Variants in FAM174B observed in about 807,000 individuals in gnomAD.
FAM174B encodes the protein membrane protein FAM174B.
A neutral mutation model predicts 10.9 loss-of-function variants in FAM174B; 12 were observed. The ratio of observed to expected loss-of-function variants is 1.10; its 90% CI spans 0.71 to 1.79. FAM174B has a LOEUF of 1.79. FAM174B is among the 40% of genes most tolerant of loss of function. The pLI is 0.00. For missense variants in FAM174B, 266 were observed against 233.3 expected, an observed-to-expected ratio of 1.14 and a Z score of -0.91; for synonymous variants, 132 against 115.8, an observed-to-expected ratio of 1.14 and a Z score of -0.90.
intron 1 of FAM174B, among the ~76,000 whole-genome samples, chr15:92,646,599 C>T (rs1872626255): frequency 6.6e-6 from 1 of 152,176 alleles, no homozygotes; most frequent in African/African-American, 2.4e-5. Flanking sequence ...TTGGACATAC[C>T]TGATTCTACC....
At chr15:92,625,871 G>A (rs957822434) in intron 2 of FAM174B, among the ~76,000 whole-genome samples, 1 of 152,166 alleles carries the variant, frequency 6.6e-6, no homozygotes, top group African/African-American at 2.4e-5. Flanking sequence ...GTGGGCTTGT[G>A]TCTAATGACT....
At chr15:92,648,117 A>C (rs1479747317) in intron 1 of FAM174B, among the ~76,000 whole-genome samples, 8 of 152,170 alleles carry the variant, frequency 5.3e-5, no homozygotes, top group African/African-American at 1.7e-4. Context: ...ACCAAAGTAA[A>C]CCATCCATAT....
intron 1 of FAM174B, among the ~76,000 whole-genome samples, chr15:92,654,523 CCAGA>C (rs1462742766): frequency 1.3e-5 from 2 of 152,186 alleles, no homozygotes; most frequent in South Asian, 2.1e-4. Context: ...TCCTAATTTA[CCAGA>C]CACTTTATCC....
chr15:92,653,116 C>T (rs2050978110), intron 1 of FAM174B: 1 of 152,188 alleles, frequency 6.6e-6, no homozygotes, highest in Non-Finnish European at 1.5e-5. Context: ...GGGGTGGCAG[C>T]TGTCCACCTG....
intron 2 of FAM174B, among the ~76,000 whole-genome samples, chr15:92,623,488 T>A (rs1373083103): frequency 6.6e-6 from 1 of 152,118 alleles, no homozygotes; most frequent in Non-Finnish European, 1.5e-5. Context: ...TTATTCAGAT[T>A]TCCCACCGTG....
chr15:92,639,898 A>G (rs892797369), intron 1 of FAM174B, among the ~76,000 whole-genome samples: 1 of 152,160 alleles, frequency 6.6e-6, no homozygotes, highest in Non-Finnish European at 1.5e-5. Flanking sequence ...ACCATTAGCC[A>G]ATACCCAGTC....
At chr15:92,639,654 C>A (rs1392694153) in intron 1 of FAM174B, among the ~76,000 whole-genome samples, 1 of 152,088 alleles carries the variant, frequency 6.6e-6, no homozygotes, top group Non-Finnish European at 1.5e-5. Flanking sequence ...TGGGGGTGGG[C>A]CTTCATGAAC....
At chr15:92,632,221 T>A (rs1008105704) in intron 1 of FAM174B, among the ~76,000 whole-genome samples, 1 of 152,190 alleles carries the variant, frequency 6.6e-6, no homozygotes, top group Admixed American at 6.5e-5. Context: ...GTGTTCTGGT[T>A]TCGTTTTGTT....
chr15:92,638,475 C>G (rs558197964), intron 1 of FAM174B, among the ~76,000 whole-genome samples: 2 of 152,208 alleles, frequency 1.3e-5, no homozygotes, highest in Admixed American at 6.5e-5. Flanking sequence ...GAGGGGGAGG[C>G]CTTCCTTCCT....
intron 1 of FAM174B, chr15:92,653,141 C>G (rs185565223): frequency 9.2e-5 from 14 of 152,304 alleles, no homozygotes; most frequent in African/African-American, 3.1e-4. Flanking sequence ...CTCACCCTAA[C>G]AAGATTGCCT....
At chr15:92,633,885 C>A (rs571697778) in intron 1 of FAM174B, among the ~76,000 whole-genome samples, 1 of 152,184 alleles carries the variant, frequency 6.6e-6, no homozygotes, top group Non-Finnish European at 1.5e-5. Flanking sequence ...CATCTCAACA[C>A]TGGCAGGGGG....
intron 2 of FAM174B, among the ~76,000 whole-genome samples, chr15:92,626,065 T>G (rs1037007498): frequency 4.6e-5 from 7 of 152,102 alleles, no homozygotes; most frequent in African/African-American, 1.4e-4. Context: ...AACCCAAAGA[T>G]TCCACATTTA....
chr15:92,619,682 CCA>C lies in FAM174B; in HGVS notation c.477-225_477-224del, dbSNP rs924490437. On this transcript the variant is annotated intron_variant, in intron 2 of 2. Coordinates refer to ENST00000327355, the MANE Select transcript of FAM174B (RefSeq NM_207446.3). ...AACTAAGGATCCCTCCCCCAGCTCC[CCA>C]CACAGACTCCCTAGAACACAACCTC... 3 of 600,520 alleles carry C rather than the reference CCA, an allele frequency of 5.0e-6. No homozygotes were observed. In the African/African-American group the frequency reaches 5.6e-5, roughly 11 times the overall value. The allele number at this position is 600,520 out of a possible 1,614,324, so 37.2% of individuals were successfully genotyped here. A position where few individuals can be genotyped will look rare whatever the true frequency, so the allele number is the denominator to read the frequency against.
At position 92,655,705 on chromosome 15, in the gene FAM174B, G is replaced by C. The variant is rs200182901; in HGVS notation, c.-46C>G. 9.0e-4 allele frequency: 1,101 copies of C among 1,227,932 alleles called. 28 individuals are homozygous for C. The East Asian group carries it at 0.031, about 35-fold the overall frequency. 76.1% of individuals were successfully genotyped at this position (1,227,932 alleles called of 1,614,324 possible). A position where few individuals can be genotyped will look rare whatever the true frequency, so the allele number is the denominator to read the frequency against. ...GATCGGGCAGGGCGCGCGCGGCTGA[G>C]CTCCAGGATCCGCACCAGCACGGAG... is the stretch of plus-strand genomic sequence containing the variant. On this transcript the variant is annotated 5_prime_UTR_variant, in exon 1 of 3. Transcript: ENST00000327355.
chr15:92,622,409 G>A (rs1007625755), intron 2 of FAM174B, among the ~76,000 whole-genome samples: 16 of 152,198 alleles, frequency 1.1e-4, no homozygotes, highest in African/African-American at 3.9e-4. Flanking sequence ...CATACCCCAA[G>A]TTTCAGCCAT....
At chr15:92,633,900 T>C (rs1453695674) in intron 1 of FAM174B, among the ~76,000 whole-genome samples, 1 of 152,074 alleles carries the variant, frequency 6.6e-6, no homozygotes, top group Non-Finnish European at 1.5e-5. Flanking sequence ...AGGGGGAAAT[T>C]TAAGCCCAGA....
intron 2 of FAM174B, among the ~76,000 whole-genome samples, chr15:92,629,234 T>G (rs541484385): frequency 2.0e-4 from 30 of 152,334 alleles, no homozygotes; most frequent in Admixed American, 5.2e-4. Context: ...AGCAATGCCC[T>G]TTCTCTGGGT....
rs1430852106 is a variant in FAM174B, at chr15:92,619,229, G to A, written c.*227C>T. 7.1e-6 allele frequency: 5 copies of A among 705,238 alleles called. No homozygotes were observed. The highest frequency in any genetic ancestry group is 5.9e-5 in the South Asian group (4 of 67,620). The allele number at this position is 705,238 out of a possible 1,614,324, so 43.7% of individuals were successfully genotyped here. A position where few individuals can be genotyped will look rare whatever the true frequency, so the allele number is the denominator to read the frequency against. ...GAAGTAGGGGGCACTTTAAAGGGAT[G>A]CCCAAAGGGTGGCAGAAGCAACTCC... On this transcript the variant is annotated 3_prime_UTR_variant, in exon 3 of 3. Transcript: ENST00000327355.
Position 92,619,101 on chromosome 15 carries a change from CTT to C in FAM174B, c.*353_*354del. On this transcript the variant is annotated 3_prime_UTR_variant, in exon 3 of 3. Transcript: ENST00000327355. ...TTTAGATTCTTGATCCTCCTGATCT[CTT>C]TTACTATTGTCAACAATTGTCTTAA... 1 of 653,498 alleles carries C rather than the reference CTT, an allele frequency of 1.5e-6. No individual in the cohort carries two copies. The highest frequency in any genetic ancestry group is 2.8e-6 in the Non-Finnish European group (1 of 362,596). 40.5% of individuals were successfully genotyped at this position (653,498 alleles called of 1,614,324 possible).
Sources: gnomAD v4.1 joint callset for allele counts (sites outside exome capture counted in the v4.1 genomes callset) on GRCh38, gnomAD v4.1.1 for gene constraint, MANE v1.5 for transcripts, NCBI Gene and HGNC (gene_info 2026-07-23, HGNC 2026-07-21) for gene names.